The following TLL1 variants were observed in gnomAD, a reference collection of about 807,000 sequenced individuals.
The protein encoded by TLL1 is tolloid-like protein 1.
Under a neutral mutation model 128.2 loss-of-function variants are expected in TLL1, and 49 were observed. The observed-to-expected ratio is 0.38, with a 90% confidence interval of 0.30 to 0.48. The LOEUF (loss-of-function observed/expected upper bound fraction) is 0.48, where lower values mean the gene tolerates loss of function less well. Among genes scored for constraint, TLL1 ranks in the 20% least tolerant of loss-of-function variants. The pLI is 0.96. For synonymous variants in TLL1, 454 were observed against 418.8 expected, an observed-to-expected ratio of 1.08 and a Z score of -1.03; for missense variants, 1,123 against 1,242.0, an observed-to-expected ratio of 0.90 and a Z score of 1.44.
chr4:165,911,967 C>G (rs948026909), intron 1 of TLL1, among the ~76,000 whole-genome samples: 7 of 152,090 alleles, frequency 4.6e-5, no homozygotes, highest in African/African-American at 1.7e-4. Flanking sequence ...GCTCTGCCTC[C>G]CGGGTTCACG....
At chr4:166,010,575 AT>A (rs1737645353) in intron 7 of TLL1, among the ~76,000 whole-genome samples, 2 of 149,904 alleles carry the variant, frequency 1.3e-5, no homozygotes, top group African/African-American at 4.9e-5. Context: ...AATATTGGAA[AT>A]TTTTTTTCCA....
At chr4:165,966,983 A>G (rs1178401966) in intron 1 of TLL1, among the ~76,000 whole-genome samples, 4 of 152,156 alleles carry the variant, frequency 2.6e-5, no homozygotes, top group Admixed American at 2.6e-4. Flanking sequence ...GCTACAGAAG[A>G]CCAGGGCTTA....
intron 1 of TLL1, among the ~76,000 whole-genome samples, chr4:165,953,562 T>C (rs1734631256): frequency 3.0e-5 from 2 of 65,724 alleles, no homozygotes. Context: ...TTCTTTTTCA[T>C]TTAGAAAAAA....
chr4:166,017,761 C>G (rs1237931642), intron 8 of TLL1, among the ~76,000 whole-genome samples: 1 of 152,056 alleles, frequency 6.6e-6, no homozygotes, highest in Non-Finnish European at 1.5e-5. Context: ...ATCTGTCTCC[C>G]TTTTTACTTC....
intron 1 of TLL1, among the ~76,000 whole-genome samples, chr4:165,891,820 A>C (rs751216906): frequency 1.3e-5 from 2 of 152,152 alleles, no homozygotes; most frequent in Non-Finnish European, 2.9e-5. Context: ...TCTTCTTCTG[A>C]GCCTTCCAAC....
intron 9 of TLL1, among the ~76,000 whole-genome samples, chr4:166,026,685 C>G (rs1738511517): frequency 6.7e-6 from 1 of 149,948 alleles, no homozygotes; most frequent in South Asian, 2.1e-4. Context: ...GAAACTCTGT[C>G]TCAAAAAAAA....
Position 165,983,612 on chromosome 4 carries a change from G to A in TLL1, c.170-5769G>A, listed in dbSNP as rs74857901. ...TTACACTTCAGATTCACATCTGATT[G>A]TGTATTGAGATTATATTCTATTTCC... On this transcript the variant is annotated intron_variant, in intron 1 of 20. Coordinates refer to ENST00000061240, the MANE Select transcript of TLL1 (RefSeq NM_012464.5). 3.2e-3 allele frequency among the ~76,000 whole-genome samples: 485 copies of A among 151,930 alleles called. 11 individuals are homozygous for A. In the East Asian group the frequency reaches 0.042, roughly 13 times the overall value.
chr4:165,911,719 T>C (rs558035252), intron 1 of TLL1, among the ~76,000 whole-genome samples: 1 of 152,164 alleles, frequency 6.6e-6, no homozygotes, highest in Non-Finnish European at 1.5e-5. Flanking sequence ...TGTCTCGTAT[T>C]GATATAACCC....
intron 19 of TLL1, among the ~76,000 whole-genome samples, chr4:166,093,294 G>A (rs774337558): frequency 1.3e-5 from 2 of 152,112 alleles, no homozygotes; most frequent in Non-Finnish European, 2.9e-5. Context: ...GGAGAGCAGG[G>A]TGATAATAGG....
intron 9 of TLL1, among the ~76,000 whole-genome samples, chr4:166,031,459 C>T (rs1468673767): frequency 7.1e-6 from 1 of 141,350 alleles, no homozygotes; most frequent in Non-Finnish European, 1.5e-5. Context: ...ACTTTCACTT[C>T]TCAGTTCAAG....
intron 12 of TLL1, among the ~76,000 whole-genome samples, chr4:166,048,329 A>G (rs1380850868): frequency 6.6e-6 from 1 of 151,844 alleles, no homozygotes; most frequent in Non-Finnish European, 1.5e-5. Flanking sequence ...CTCACCAGAC[A>G]CTGAATCTGC....
At chr4:165,957,698 ATTCT>A (rs1436425220) in intron 1 of TLL1, among the ~76,000 whole-genome samples, 4 of 144,354 alleles carry the variant, frequency 2.8e-5, no homozygotes, top group Non-Finnish European at 6.0e-5. Context: ...CCATTGGATC[ATTCT>A]TTTTTTTTTT....
chr4:166,049,445 C>A (rs969442426), intron 12 of TLL1, among the ~76,000 whole-genome samples: 1 of 152,106 alleles, frequency 6.6e-6, no homozygotes, highest in Non-Finnish European at 1.5e-5. Flanking sequence ...CCACTGTTCA[C>A]ATACTGTCAA....
chr4:165,904,195 C>T (rs531232713), intron 1 of TLL1, among the ~76,000 whole-genome samples: 1 of 152,094 alleles, frequency 6.6e-6, no homozygotes, highest in Non-Finnish European at 1.5e-5. Context: ...AATGGAAGAA[C>T]TTGCCTATGA....
intron 7 of TLL1, among the ~76,000 whole-genome samples, chr4:166,010,852 T>G (rs1234703462): frequency 6.6e-6 from 1 of 151,342 alleles, no homozygotes; most frequent in East Asian, 1.9e-4. Context: ...ACCAATTTTA[T>G]TATTCTATAT....
intron 1 of TLL1, among the ~76,000 whole-genome samples, chr4:165,974,745 T>C (rs1019421324): frequency 2.1e-4 from 32 of 152,304 alleles, no homozygotes; most frequent in African/African-American, 7.7e-4. Flanking sequence ...CCAGAGGCTA[T>C]TTTTTGCTGA....
At chr4:165,988,701 C>T (rs28376773) in intron 1 of TLL1, among the ~76,000 whole-genome samples, 9,018 of 151,698 alleles carry the variant, frequency 0.059, 887 homozygotes, top group African/African-American at 0.21. Flanking sequence ...CTTGGTGGCT[C>T]TTGAAAATAT....
chr4:166,085,503 A>T (rs192822140), intron 18 of TLL1, among the ~76,000 whole-genome samples: 1 of 151,604 alleles, frequency 6.6e-6, no homozygotes, highest in Non-Finnish European at 1.5e-5. Context: ...AAGGATGTTG[A>T]ATTTGCCAAA....
intron 5 of TLL1, among the ~76,000 whole-genome samples, chr4:165,996,660 C>T (rs1445716731): frequency 1.3e-5 from 2 of 152,018 alleles, no homozygotes; most frequent in Non-Finnish European, 2.9e-5. Flanking sequence ...GCATATTCCT[C>T]ACACACAATA....
Sources: allele counts gnomAD v4.1 joint callset (sites outside exome capture counted in the v4.1 genomes callset), GRCh38; gene constraint gnomAD v4.1.1; transcripts MANE v1.5; gene names NCBI Gene and HGNC (gene_info 2026-07-23, HGNC 2026-07-21).